GRIP1: variants seen among roughly 807,000 people sequenced by gnomAD.
GRIP1 encodes glutamate receptor-interacting protein 1.
In GRIP1, 45 loss-of-function variants were observed where a neutral mutation model predicts 129.9. That is an observed-to-expected ratio of 0.35 (90% CI 0.27 to 0.44). The LOEUF is 0.44. GRIP1 is among the 20% of genes least tolerant of loss of function. The pLI is 1.00. For missense variants in GRIP1, 1,196 were observed against 1,396.8 expected (o/e 0.86, Z 2.29); for synonymous variants, 530 against 520.8 (o/e 1.02, Z -0.24).
chr12:66,392,202 A>T (rs1041270779), intron 19 of GRIP1, 106 bp downstream of exon 19: 2 of 736,606 alleles, frequency 2.7e-6, no homozygotes, highest in Non-Finnish European at 4.8e-6. Flanking sequence ...ACCAAAGCAG[A>T]CACAAGTTAA....
chr12:67,066,888 T>TTTTATTTA (rs59891449), intron 1 of GRIP1, among the ~76,000 whole-genome samples: 4 of 125,662 alleles, frequency 3.2e-5, no homozygotes, highest in Non-Finnish European at 6.6e-5. Flanking sequence ...AAATATATAT[T>TTTTATTTA]TATATATATA....
At chr12:67,027,870 C>T (rs1051197466) in intron 1 of GRIP1, among the ~76,000 whole-genome samples, 1 of 152,164 alleles carries the variant, frequency 6.6e-6, no homozygotes, top group Non-Finnish European at 1.5e-5. Flanking sequence ...CCTCTAGAAG[C>T]ATTTAAGCAA....
chr12:66,711,763 T>C (rs2035720152), intron 1 of GRIP1, among the ~76,000 whole-genome samples: 1 of 151,880 alleles, frequency 6.6e-6, no homozygotes, highest in South Asian at 2.1e-4. Flanking sequence ...AATTGGCCTG[T>C]CTGGGTCTGC....
At chr12:66,891,656 C>T (rs1440197765) in intron 1 of GRIP1, among the ~76,000 whole-genome samples, 5 of 152,068 alleles carry the variant, frequency 3.3e-5, no homozygotes, top group Admixed American at 2.6e-4. Flanking sequence ...TCCTTAAAGA[C>T]GACAAGGATA....
chr12:66,417,481 G>A (rs1297788561), intron 15 of GRIP1, among the ~76,000 whole-genome samples: 1 of 152,032 alleles, frequency 6.6e-6, no homozygotes, highest in Non-Finnish European at 1.5e-5. Flanking sequence ...TATCCAAATT[G>A]GAAAGGAAGA....
intron 1 of GRIP1, among the ~76,000 whole-genome samples, chr12:66,691,047 A>T (rs879555985): frequency 1.4e-4 from 21 of 152,176 alleles, no homozygotes; most frequent in Admixed American, 4.6e-4. Context: ...CTAGCCAGCT[A>T]TGCTATTTGC....
intron 1 of GRIP1, among the ~76,000 whole-genome samples, chr12:67,002,537 C>T (rs1349288704): frequency 6.6e-6 from 1 of 152,172 alleles, no homozygotes; most frequent in African/African-American, 2.4e-5. Context: ...TTCCACAAGG[C>T]AATTCATACA....
intron 2 of GRIP1, among the ~76,000 whole-genome samples, chr12:66,563,182 G>T (rs2062602219): frequency 1.3e-5 from 2 of 151,926 alleles, no homozygotes; most frequent in Admixed American, 1.3e-4. Context: ...TATACACTGT[G>T]TGTGTGTATA....
At chr12:66,957,143 G>T in intron 1 of GRIP1, among the ~76,000 whole-genome samples, 1 of 152,042 alleles carries the variant, frequency 6.6e-6, no homozygotes, top group Admixed American at 6.6e-5. Context: ...TCACTAGGAA[G>T]GTTCCCAATC....
Position 66,353,551 on chromosome 12 carries a change from T to G in GRIP1, c.3025A>C (p.Lys1009Gln). The G allele has an allele frequency of 1.9e-6, 3 of 1,613,992 alleles. No individual in the cohort carries two copies. The highest frequency in any genetic ancestry group is 2.5e-6 in the Non-Finnish European group (3 of 1,179,856). Residue 1009 changes from lysine to glutamine, a missense_variant, in exon 24 of 25, where the codon AAG (lysine) becomes CAG (glutamine). Lys to Gln is a moderately conservative substitution (Grantham distance 53). Coordinates refer to ENST00000359742, the MANE Select transcript of GRIP1 (RefSeq NM_001366722.1). ...CCAAAGTCCTCCATGTCAGAGTCCT[T>G]GTACAAGGTCACCTGAAGAGAGAAA... ...PVELHKVTLY[K>Q]DSDMEDFGFS...
chr12:66,488,054 A>C (rs1393965317), intron 7 of GRIP1, among the ~76,000 whole-genome samples: 1 of 152,192 alleles, frequency 6.6e-6, no homozygotes, highest in Non-Finnish European at 1.5e-5. Context: ...CCGACAGGCA[A>C]TATTGGACAG....
chr12:66,783,711 C>T (rs1427918419), intron 1 of GRIP1, among the ~76,000 whole-genome samples: 3 of 152,000 alleles, frequency 2.0e-5, no homozygotes, highest in Admixed American at 6.6e-5. Context: ...TAAATAGAGT[C>T]TAGGTAACCA....
intron 1 of GRIP1, among the ~76,000 whole-genome samples, chr12:66,650,073 C>T (rs190810963): frequency 5.9e-5 from 9 of 152,278 alleles, no homozygotes; most frequent in Non-Finnish European, 8.8e-5. Flanking sequence ...TCGTGCCCAA[C>T]GGCAGCTGAA....
intron 1 of GRIP1, among the ~76,000 whole-genome samples, chr12:66,946,285 T>A (rs1024733696): frequency 7.9e-5 from 12 of 152,190 alleles, no homozygotes; most frequent in Non-Finnish European, 1.6e-4. Flanking sequence ...TCTCCAGGCC[T>A]GTCTTATCAA....
intron 3 of GRIP1, 89 bp from the exon 4 acceptor site, chr12:66,539,312 G>T: frequency 6.4e-7 from 1 of 1,552,394 alleles, no homozygotes; most frequent in Non-Finnish European, 8.9e-7. Flanking sequence ...TGGTAAGCAT[G>T]CAAGTGTAGA....
intron 1 of GRIP1, among the ~76,000 whole-genome samples, chr12:66,740,048 T>C (rs1216519064): frequency 6.6e-6 from 1 of 152,164 alleles, no homozygotes; most frequent in African/African-American, 2.4e-5. Context: ...CCTGCCATTT[T>C]TATCCAAGCT....
intron 1 of GRIP1, among the ~76,000 whole-genome samples, chr12:66,748,605 T>G (rs1211803037): frequency 1.3e-5 from 2 of 152,200 alleles, no homozygotes; most frequent in African/African-American, 4.8e-5. Context: ...TAGGATGATG[T>G]GGTTTAAGGA....
intron 1 of GRIP1, among the ~76,000 whole-genome samples, chr12:66,914,215 T>TG (rs1006246761): frequency 2.0e-5 from 3 of 152,150 alleles, no homozygotes; most frequent in African/African-American, 7.2e-5. Context: ...TAACTCAAAA[T>TG]GGGGGGTAGG....
chr12:67,060,554 C>T (rs1459181136), intron 1 of GRIP1, among the ~76,000 whole-genome samples: 2 of 152,112 alleles, frequency 1.3e-5, no homozygotes, highest in Non-Finnish European at 2.9e-5. Context: ...GGTGTAGTGG[C>T]TCACATCTGT....
Sources: gnomAD v4.1 joint callset for allele counts (sites outside exome capture counted in the v4.1 genomes callset) on GRCh38, gnomAD v4.1.1 for gene constraint, MANE v1.5 for transcripts, NCBI Gene and HGNC (gene_info 2026-07-23, HGNC 2026-07-21) for gene names.